Variants in NUBPL observed in about 807,000 individuals in gnomAD.
NUBPL encodes the protein NUBP iron-sulfur cluster assembly factor, mitochondrial.
In NUBPL, 31 loss-of-function variants were observed where a neutral mutation model predicts 45.7. The observed-to-expected ratio is 0.68, with a 90% CI of 0.51 to 0.92. The LOEUF (loss-of-function observed/expected upper bound fraction) is 0.92. Among genes scored for constraint, NUBPL ranks in the 40% least tolerant of loss-of-function variants. NUBPL has a pLI of 0.00. For missense variants in NUBPL, 401 were observed against 398.7 expected, an observed-to-expected ratio of 1.01 and a Z score of -0.05; for synonymous variants, 144 against 140.9, an observed-to-expected ratio of 1.02 and a Z score of -0.15.
At chr14:31,778,386 G>C (rs532823848) in intron 6 of NUBPL, among the ~76,000 whole-genome samples, 1 of 152,298 alleles carries the variant, frequency 6.6e-6, no homozygotes, top group African/African-American at 2.4e-5. Context: ...TCCAGAGAGA[G>C]GGTGTTGAAT....
chr14:31,730,740 A>G lies in NUBPL; in HGVS notation c.514-57040A>G, dbSNP rs1465361896. Among the ~76,000 whole-genome samples the G allele has an allele frequency of 2.6e-5, 4 of 152,334 alleles. No individual in the cohort carries two copies. In the East Asian group the frequency reaches 7.7e-4, roughly 29 times the overall value. ...CTTGGCCTCCCAAAGTGCTGGGATT[A>G]CAGGCACCTGGCCTGGATCAGGTAA... is the stretch of plus-strand genomic sequence containing the variant. On this transcript the variant is annotated intron_variant, in intron 6 of 10. Coordinates refer to ENST00000281081, the MANE Select transcript of NUBPL (RefSeq NM_025152.3).
At chr14:31,839,274 A>G (rs2139006231) in intron 8 of NUBPL, among the ~76,000 whole-genome samples, 1 of 152,324 alleles carries the variant, frequency 6.6e-6, no homozygotes, top group South Asian at 2.1e-4. Flanking sequence ...CACTGTTTGT[A>G]TCCCAGAAAT....
At chr14:31,733,055 G>A (rs1441558010) in intron 6 of NUBPL, among the ~76,000 whole-genome samples, 1 of 152,150 alleles carries the variant, frequency 6.6e-6, no homozygotes, top group Non-Finnish European at 1.5e-5. Context: ...TGTGTATGGT[G>A]TGAAACAGAA....
intron 6 of NUBPL, among the ~76,000 whole-genome samples, chr14:31,742,566 T>C (rs1211325670): frequency 6.6e-6 from 1 of 152,168 alleles, no homozygotes; most frequent in Non-Finnish European, 1.5e-5. Flanking sequence ...TGGCCTGTAG[T>C]CTTTTCACAT....
chr14:31,789,290 C>T (rs190838401), intron 7 of NUBPL, among the ~76,000 whole-genome samples: 20 of 150,976 alleles, frequency 1.3e-4, no homozygotes, highest in African/African-American at 2.9e-4. Flanking sequence ...AGTGCCATTG[C>T]GCTCCAGCCT....
chr14:31,819,301 G>A (rs2039976489), intron 7 of NUBPL, among the ~76,000 whole-genome samples: 1 of 152,142 alleles, frequency 6.6e-6, no homozygotes, highest in East Asian at 1.9e-4. Context: ...AGAATCAGTA[G>A]CACTAAATAT....
chr14:31,602,313 A>G (rs966172317), intron 4 of NUBPL, among the ~76,000 whole-genome samples: 1 of 151,720 alleles, frequency 6.6e-6, no homozygotes, highest in East Asian at 1.9e-4. Context: ...TGGGTGCAGC[A>G]CACCAGCATG....
At chr14:31,648,144 A>G (rs1397870698) in intron 4 of NUBPL, among the ~76,000 whole-genome samples, 1 of 152,238 alleles carries the variant, frequency 6.6e-6, no homozygotes, top group Non-Finnish European at 1.5e-5. Flanking sequence ...AACAAGATGA[A>G]AAAGAGAAGA....
At chr14:31,777,963 A>G (rs772125405) in intron 6 of NUBPL, among the ~76,000 whole-genome samples, 8 of 152,188 alleles carry the variant, frequency 5.3e-5, no homozygotes, top group Non-Finnish European at 1.0e-4. Flanking sequence ...TTCCAAACAG[A>G]ACCTAGTCCA....
At chr14:31,577,293 C>T (rs1272298799) in intron 3 of NUBPL, among the ~76,000 whole-genome samples, 1 of 152,200 alleles carries the variant, frequency 6.6e-6, no homozygotes, top group Non-Finnish European at 1.5e-5. Context: ...GAGAGTTTTC[C>T]ATAACCTCTT....
At chr14:31,749,104 G>T (rs1414599881) in intron 6 of NUBPL, among the ~76,000 whole-genome samples, 1 of 152,060 alleles carries the variant, frequency 6.6e-6, no homozygotes, top group Non-Finnish European at 1.5e-5. Flanking sequence ...CTTTAATTTG[G>T]GAATTTAATA....
chr14:31,739,213 T>TATTATATATATATATTATATTCTATATA (rs2038226632), intron 6 of NUBPL, among the ~76,000 whole-genome samples: 2 of 61,012 alleles, frequency 3.3e-5, no homozygotes, highest in African/African-American at 9.1e-5. Context: ...TATATATATA[T>TATTATATATATATATTATATTCTATATA]TATATTATAT....
At chr14:31,685,882 C>T (rs112544714) in intron 6 of NUBPL, among the ~76,000 whole-genome samples, 1,607 of 152,242 alleles carry the variant, frequency 0.011, 24 homozygotes, top group African/African-American at 0.037. Flanking sequence ...TATAGGCTTT[C>T]TATTCCACTC....
chr14:31,581,441 G>GA (rs2033862093), intron 3 of NUBPL, among the ~76,000 whole-genome samples: 1 of 152,042 alleles, frequency 6.6e-6, no homozygotes, highest in Admixed American at 6.6e-5. Context: ...TCTGTCTCAT[G>GA]AATTTGACTG....
At chr14:31,657,785 A>G (rs2036175578) in intron 4 of NUBPL, among the ~76,000 whole-genome samples, 1 of 152,140 alleles carries the variant, frequency 6.6e-6, no homozygotes, top group Non-Finnish European at 1.5e-5. Flanking sequence ...ATGTATTGCT[A>G]GTGAGTTTTA....
intron 7 of NUBPL, among the ~76,000 whole-genome samples, chr14:31,813,427 CT>C (rs2039851738): frequency 6.9e-6 from 1 of 145,668 alleles, no homozygotes; most frequent in African/African-American, 2.6e-5. Context: ...AACTTGTATT[CT>C]TTTTTGCTAT....
intron 7 of NUBPL, among the ~76,000 whole-genome samples, chr14:31,808,543 A>G (rs1240692024): frequency 6.6e-6 from 1 of 152,206 alleles, no homozygotes; most frequent in Non-Finnish European, 1.5e-5. Context: ...TTTTCTAGAT[A>G]TACAATCATG....
At chr14:31,820,849 A>C (rs1194193862) in intron 7 of NUBPL, among the ~76,000 whole-genome samples, 1 of 145,590 alleles carries the variant, frequency 6.9e-6, no homozygotes, top group Non-Finnish European at 1.5e-5. Flanking sequence ...GGCCCAGCGC[A>C]TTGTCTGGCA....
At chr14:31,846,268 TATG>T in intron 8 of NUBPL, 200 bp from the exon 9 acceptor site, 2 of 540,484 alleles carry the variant, frequency 3.7e-6, no homozygotes, top group Non-Finnish European at 6.6e-6. Flanking sequence ...TAGCATTTAT[TATG>T]ATATCAAAGG....
Sources: allele counts gnomAD v4.1 joint callset (sites outside exome capture counted in the v4.1 genomes callset), GRCh38; gene constraint gnomAD v4.1.1; transcripts MANE v1.5; gene names NCBI Gene and HGNC (gene_info 2026-07-23, HGNC 2026-07-21).